The following DEPTOR variants were observed in gnomAD, a reference collection of about 807,000 sequenced individuals.
DEPTOR encodes the protein DEP domain containing MTOR interacting protein.
In DEPTOR, 41 loss-of-function variants were observed where a neutral mutation model predicts 41.6. The ratio of observed to expected loss-of-function variants is 0.98; its 90% CI spans 0.77 to 1.28. DEPTOR has a LOEUF of 1.28. Among genes scored for constraint, DEPTOR ranks in the 50% most tolerant of loss-of-function variants. DEPTOR has a pLI of 0.00. For missense variants in DEPTOR, 514 were observed against 527.9 expected, an observed-to-expected ratio of 0.97 and a Z score of 0.26; for synonymous variants, 195 against 192.3, an observed-to-expected ratio of 1.01 and a Z score of -0.12.
At chr8:120,042,157 AAGTCAC>A (rs1206112357) in intron 8 of DEPTOR, among the ~76,000 whole-genome samples, 4 of 151,858 alleles carry the variant, frequency 2.6e-5, no homozygotes, top group African/African-American at 7.3e-5. Context: ...GGTGGCATCT[AAGTCAC>A]CCCACCTCAA....
intron 1 of DEPTOR, among the ~76,000 whole-genome samples, chr8:119,878,648 G>T (rs768121559): frequency 1.2e-4 from 18 of 152,010 alleles, no homozygotes; most frequent in Non-Finnish European, 2.4e-4. Context: ...TTTTTAAAGG[G>T]CGGTTGGTTG....
chr8:119,929,683 A>G lies in DEPTOR; in HGVS notation c.302-132A>G, dbSNP rs1349003675. On this transcript the variant is annotated intron_variant, in intron 2 of 8. Transcript: ENST00000286234. ...GTAACTATTTTACAAGTATTAGCTC[A>G]TATGGTACATATTTGCATGCATGAA... The G allele has an allele frequency of 3.3e-6, 4 of 1,221,340 alleles. No individual in the cohort carries two copies. In the African/African-American group the frequency reaches 4.5e-5, roughly 14 times the overall value. 75.7% of individuals were successfully genotyped at this position (1,221,340 alleles called of 1,614,324 possible). A position where few individuals can be genotyped will look rare whatever the true frequency, so the allele number is the denominator to read the frequency against.
intron 1 of DEPTOR, among the ~76,000 whole-genome samples, chr8:119,892,380 C>T (rs1206462501): frequency 6.6e-6 from 1 of 152,196 alleles, no homozygotes; most frequent in Non-Finnish European, 1.5e-5. Flanking sequence ...TATATCATTG[C>T]ATTGACATTA....
chr8:119,965,097 T>A (rs1412795371), intron 3 of DEPTOR, 135 bp from the exon 4 acceptor site: 1 of 941,646 alleles, frequency 1.1e-6, no homozygotes, highest in African/African-American at 1.7e-5. Context: ...AGAAATTACA[T>A]GTGTGGTGGC....
At chr8:120,041,515 C>T (rs888806020) in intron 8 of DEPTOR, among the ~76,000 whole-genome samples, 4 of 151,998 alleles carry the variant, frequency 2.6e-5, no homozygotes, top group Non-Finnish European at 4.4e-5. Flanking sequence ...TTAACTCTTA[C>T]GAGGCTAACT....
At chr8:119,965,593 G>A (rs77676761) in intron 4 of DEPTOR, among the ~76,000 whole-genome samples, 183 bp downstream of exon 4, 2,116 of 152,276 alleles carry the variant, frequency 0.014, 52 homozygotes, top group African/African-American at 0.049. Flanking sequence ...TTTCCATTCT[G>A]GGACACAGAC....
chr8:120,015,031 C>T lies in DEPTOR; in HGVS notation c.1101+5898C>T, dbSNP rs558280851. Among the ~76,000 whole-genome samples the T allele has an allele frequency of 5.3e-5, 8 of 152,100 alleles. No homozygotes were observed. In the East Asian group the frequency reaches 1.4e-3, roughly 26 times the overall value. Reference sequence around the variant, plus strand: ...TAGTCAGGGAGAATTTTTACATTTCCGTAATACATCATGATTATGCCTATG... The same window carrying T: ...TAGTCAGGGAGAATTTTTACATTTCTGTAATACATCATGATTATGCCTATG... On this transcript the variant is annotated intron_variant, in intron 8 of 8. Coordinates refer to ENST00000286234, the MANE Select transcript of DEPTOR (RefSeq NM_022783.4).
At chr8:120,017,061 C>T (rs1812623958) in intron 8 of DEPTOR, among the ~76,000 whole-genome samples, 1 of 152,220 alleles carries the variant, frequency 6.6e-6, no homozygotes, top group South Asian at 2.1e-4. Flanking sequence ...GAGCCCTTGT[C>T]TGTCTTAACT....
intron 3 of DEPTOR, among the ~76,000 whole-genome samples, chr8:119,947,228 A>G (rs1010384530): frequency 3.3e-5 from 5 of 152,320 alleles, no homozygotes; most frequent in East Asian, 3.9e-4. Flanking sequence ...TTCATAGGCA[A>G]GAAAGGGGGA....
chr8:119,963,243 G>C (rs1045697451), intron 3 of DEPTOR, among the ~76,000 whole-genome samples: 1 of 152,190 alleles, frequency 6.6e-6, no homozygotes, highest in Non-Finnish European at 1.5e-5. Flanking sequence ...GCCAACACAA[G>C]GATGGCTGAG....
chr8:119,956,743 T>A (rs1215471004), intron 3 of DEPTOR, among the ~76,000 whole-genome samples: 1 of 147,776 alleles, frequency 6.8e-6, no homozygotes, highest in African/African-American at 2.5e-5. Context: ...TTTTTTTGTT[T>A]TTTTTTTTTT....
At chr8:119,944,657 C>CT (rs11428615) in intron 3 of DEPTOR, among the ~76,000 whole-genome samples, 56,224 of 136,908 alleles carry the variant, frequency 0.41, 11,762 homozygotes, top group Admixed American at 0.55. Context: ...TCTTTCTTTT[C>CT]TTTTTTTTTT....
intron 4 of DEPTOR, among the ~76,000 whole-genome samples, chr8:119,971,240 A>G (rs1258858456): frequency 6.6e-6 from 1 of 152,066 alleles, no homozygotes; most frequent in Non-Finnish European, 1.5e-5. Context: ...CAAAAAAAAA[A>G]AAAAAAAAAG....
rs1165177985 is a variant in DEPTOR at position 119,929,844 on chromosome 8, G to A, written c.331G>A (p.Val111Ile). The change falls in exon 3 of 9, where the codon GTC (valine) becomes ATC (isoleucine). Residue 111 changes from valine to isoleucine, a missense_variant. Val to Ile is a conservative substitution (Grantham distance 29, BLOSUM62 3). Coordinates refer to ENST00000286234, the MANE Select transcript of DEPTOR (RefSeq NM_022783.4). ...TGATGAGCATAAGGAATTCAAGGAT[G>A]TCAAACTCTTCTACCGCTTTAGAAA... ...VCDEHKEFKD[V>I]KLFYRFRKDD... 1.9e-6 allele frequency: 3 copies of A among 1,613,502 alleles called. No homozygotes were observed. In the South Asian group the frequency reaches 3.3e-5, roughly 18 times the overall value.
At chr8:119,915,186 T>C (rs7004488) in intron 1 of DEPTOR, among the ~76,000 whole-genome samples, 33,319 of 151,866 alleles carry the variant, frequency 0.22, 4,204 homozygotes, top group African/African-American at 0.34. Flanking sequence ...AGGATGGTCT[T>C]GATCTCTTGA....
rs932961117 is a variant in DEPTOR, at chr8:119,878,958, A to C, written c.122+4990A>C. 6.0e-4 allele frequency among the ~76,000 whole-genome samples: 91 copies of C among 151,966 alleles called. 1 individual carries two copies. Among genetic ancestry groups the C allele is most frequent in the South Asian group, 8.4e-4 (4 of 4,786 alleles). On this transcript the variant is annotated intron_variant, in intron 1 of 8. Transcript: ENST00000286234. ...AAACCCCATCTCTACTAAAAATACAAAATTAGCCAGGCGTGGTGGCACATG... is the reference window on the plus strand; with the variant it reads ...AAACCCCATCTCTACTAAAAATACACAATTAGCCAGGCGTGGTGGCACATG...
intron 1 of DEPTOR, among the ~76,000 whole-genome samples, chr8:119,890,278 T>TG (rs879698169): frequency 0.27 from 31,680 of 117,692 alleles, 3,855 homozygotes; most frequent in African/African-American, 0.37. Flanking sequence ...TATATGAGTT[T>TG]TTTTGTTTGT....
intron 4 of DEPTOR, among the ~76,000 whole-genome samples, chr8:119,999,183 C>T (rs1000474177): frequency 3.0e-4 from 46 of 151,452 alleles, no homozygotes; most frequent in African/African-American, 9.2e-4. Flanking sequence ...GCAGGAGAAT[C>T]GCTTGAACCC....
chr8:119,929,445 T>C (rs1182709145), intron 2 of DEPTOR, among the ~76,000 whole-genome samples: 1 of 152,134 alleles, frequency 6.6e-6, no homozygotes, highest in South Asian at 2.1e-4. Context: ...CAATTACAGT[T>C]GACATTTCTC....
Sources: allele counts gnomAD v4.1 joint callset (sites outside exome capture counted in the v4.1 genomes callset), GRCh38; gene constraint gnomAD v4.1.1; transcripts MANE v1.5; gene names NCBI Gene and HGNC (gene_info 2026-07-23, HGNC 2026-07-21).